The following ZAN variants were observed in gnomAD, a reference collection of about 807,000 sequenced individuals.
The protein encoded by ZAN is zonadhesin.
In ZAN, 260 loss-of-function variants were observed where a neutral mutation model predicts 286.2. The observed-to-expected ratio is 0.91, with a 90% CI of 0.82 to 1.01. ZAN has a LOEUF of 1.01. Ranked by LOEUF, ZAN falls within the 50% of genes least tolerant of loss-of-function variation. The pLI, the probability that ZAN is intolerant of heterozygous loss-of-function variation, is 0.00. For missense variants in ZAN, 3,410 were observed against 3,639.2 expected (o/e 0.94, Z 1.62); for synonymous variants, 1,368 against 1,417.5 (o/e 0.97, Z 0.79).
chr7:100,795,763 G>A (rs564928726), intron 45 of ZAN, among the ~76,000 whole-genome samples: 65 of 151,884 alleles, frequency 4.3e-4, no homozygotes, highest in African/African-American at 1.5e-3. Context: ...AAAGTTAGCC[G>A]GGTGTGGTGG....
At chr7:100,767,467 GTTT>G (rs35803818) in intron 25 of ZAN, among the ~76,000 whole-genome samples, 34 of 77,974 alleles carry the variant, frequency 4.4e-4, no homozygotes, top group Middle Eastern at 9.3e-3. Context: ...GTTTTTTGCC[GTTT>G]TTTTTTTTTT....
rs754496121 is a variant in ZAN, at chr7:100,767,157, A to C, written c.4760A>C (p.Asn1587Thr). 6.4e-5 allele frequency: 104 copies of C among 1,613,620 alleles called. No individual in the cohort carries two copies. The highest frequency in any genetic ancestry group is 1.7e-4 in the Admixed American group (10 of 59,954). ...QDSYFVVSAT[N>T]ENRGGILEVS... ...AGCTATTTTGTTGTGAGCGCCACCAACGAGAACCGCGGGGGGATCCTGGAG... is the reference window on the plus strand; with the variant it reads ...AGCTATTTTGTTGTGAGCGCCACCACCGAGAACCGCGGGGGGATCCTGGAG... The change falls in exon 25 of 48, where the codon AAC becomes ACC. Residue 1587 changes from asparagine to threonine, a missense_variant. Asn to Thr is a moderately conservative substitution (Grantham distance 65). Coordinates refer to ENST00000613979, the MANE Select transcript of ZAN (RefSeq NM_003386.3).
chr7:100,734,261 C>T, intron 2 of ZAN, 40 bp downstream of exon 2: 1 of 1,292,790 alleles, frequency 7.7e-7, no homozygotes, highest in East Asian at 2.7e-5. Context: ...CCAGGGTCAG[C>T]TGAGGGTGGC....
chr7:100,738,205 C>T (rs1807446878), intron 6 of ZAN, among the ~76,000 whole-genome samples: 1 of 140,118 alleles, frequency 7.1e-6, no homozygotes, highest in Non-Finnish European at 1.6e-5. Flanking sequence ...GATCCACTCA[C>T]CTCAGCCTCC....
chr7:100,780,919 C>G (rs1448830362), intron 35 of ZAN, among the ~76,000 whole-genome samples: 2 of 151,690 alleles, frequency 1.3e-5, no homozygotes, highest in African/African-American at 4.8e-5. Flanking sequence ...ATGAGACCCC[C>G]GCATCGCTAC....
Position 100,734,060 on chromosome 7 carries a change from G to T in ZAN, c.-109G>T. On this transcript the variant is annotated 5_prime_UTR_variant, in exon 2 of 48. Coordinates refer to ENST00000613979, the MANE Select transcript of ZAN (RefSeq NM_003386.3). ...TGTGTTTCTCTGTTCATTCTTCATG[G>T]CATCCTTGGAAGGATGCCAAGCTAA... 3.1e-6 allele frequency: 2 copies of T among 654,106 alleles called. No homozygotes were observed. Among genetic ancestry groups the T allele is most frequent in the Admixed American group, 2.7e-5 (1 of 36,378 alleles). The allele number at this position is 654,106 out of a possible 1,614,324, so 40.5% of individuals were successfully genotyped here. A position where few individuals can be genotyped will look rare whatever the true frequency, so the allele number is the denominator to read the frequency against.
chr7:100,775,558 A>G lies in ZAN; in HGVS notation c.6010A>G (p.Lys2004Glu). Residue 2004 changes from lysine to glutamate, a missense_variant, in exon 32 of 48, where the codon AAG (lysine) becomes GAG (glutamate). Around this residue, in one of 7 missense-constraint regions of ZAN, gnomAD observed 1,289 missense variants for 1,314.3 expected, o/e 0.98. Transcript: ENST00000613979. ...CTACGATGCCCAGGTCACCCTGCAG[A>G]AGGGCCACCGTGTGCTAGTGAGCTG... The part of the protein sequence containing the change: ...DIYDAQVTLQ[K>E]GHRVLINSKQ... 1 of 1,613,684 alleles carries G rather than the reference A, an allele frequency of 6.2e-7. No homozygotes were observed. The highest frequency in any genetic ancestry group is 8.5e-7 in the Non-Finnish European group (1 of 1,179,722).
At chr7:100,744,373 T>C (rs554795812) in intron 7 of ZAN, among the ~76,000 whole-genome samples, 1 of 149,480 alleles carries the variant, frequency 6.7e-6, no homozygotes, top group South Asian at 2.1e-4. Context: ...CGGAGGCAGG[T>C]GGATCACCAG....
chr7:100,737,432 C>A lies in ZAN; in HGVS notation c.613+83C>A. 1.9e-6 allele frequency: 2 copies of A among 1,033,984 alleles called. 1 individual carries two copies. Among genetic ancestry groups the A allele is most frequent in the Non-Finnish European group, 2.8e-6 (2 of 727,046 alleles). 64.1% of individuals were successfully genotyped at this position (1,033,984 alleles called of 1,614,324 possible). ...CAACAAGAAGAGGATCCAGGGCGGG[C>A]GCGGTGGCTCATGCCTGTAATCCCA... On this transcript the variant is annotated intron_variant, in intron 6 of 47. Transcript: ENST00000613979.
intron 35 of ZAN, among the ~76,000 whole-genome samples, chr7:100,780,373 T>C (rs1346860009): frequency 1.3e-5 from 2 of 151,954 alleles, no homozygotes; most frequent in African/African-American, 4.8e-5. Context: ...ACTTTTAAAG[T>C]ATTAAAAGAT....
At chr7:100,745,605 A>T (rs1422258659) in intron 7 of ZAN, among the ~76,000 whole-genome samples, 4 of 145,390 alleles carry the variant, frequency 2.8e-5, no homozygotes, top group Non-Finnish European at 6.2e-5. Context: ...GGAAGAGGCA[A>T]TCGGGTGTAG....
Position 100,750,690 on chromosome 7 carries a change from A to G in ZAN, c.1315A>G (p.Ser439Gly). The G allele has an allele frequency of 6.2e-7, 1 of 1,613,340 alleles. No individual in the cohort carries two copies. Among genetic ancestry groups the G allele is most frequent in the Non-Finnish European group, 8.5e-7 (1 of 1,179,678 alleles). Residue 439 changes from serine (S) to glycine (G), a missense_variant, in exon 12 of 48, where the codon AGC (serine) becomes GGC (glycine). Ser to Gly is a moderately conservative substitution (Grantham distance 56). Around this residue, in one of 7 missense-constraint regions of ZAN, gnomAD observed 872 missense variants for 938.9 expected, o/e 0.93. Coordinates refer to ENST00000613979, the MANE Select transcript of ZAN (RefSeq NM_003386.3). ...SQAGQSVRLV[S>G]RPFCAPGDIC... Reference sequence around the variant, plus strand: ...GGCAGGCCAGTCAGTCAGACTGGTGAGCCGGCCCTTCTGCGCCCCAGGTGA... The same window carrying G: ...GGCAGGCCAGTCAGTCAGACTGGTGGGCCGGCCCTTCTGCGCCCCAGGTGA...
chr7:100,770,992 CAACA>C (rs1810334217), intron 28 of ZAN, among the ~76,000 whole-genome samples: 1 of 152,148 alleles, frequency 6.6e-6, no homozygotes, highest in Non-Finnish European at 1.5e-5. Flanking sequence ...TTAGTAGAGA[CAACA>C]TTTCACCATG....
chr7:100,760,928 G>T (rs1023039960), intron 19 of ZAN, among the ~76,000 whole-genome samples: 1 of 151,994 alleles, frequency 6.6e-6, no homozygotes, highest in Admixed American at 6.6e-5. Context: ...AGGATCTCTC[G>T]CTCTGTTCCC....
Position 100,755,417 on chromosome 7 carries a change from C to T in ZAN, c.3309+7C>T. 1 of 1,611,234 alleles carries T rather than the reference C, an allele frequency of 6.2e-7. No homozygotes were observed. Among genetic ancestry groups the T allele is most frequent in the South Asian group, 1.1e-5 (1 of 90,786 alleles). On this transcript the variant is annotated splice_region_variant and intron_variant, in intron 15 of 47. Transcript: ENST00000613979. ...CAACAACGACTACTATGAGGTAAGC[C>T]CCCCGGGATGCTGGGGTCCCATGAG...
In ZAN at chr7:100,737,269, T is replaced by C; in HGVS notation, c.533T>C (p.Phe178Ser). ...AGFTLPTRLM[F>S]EGTRGSTAYL... ...CCCCTTATCCTCTTGCAGCTGATGT[T>C]TGAGGGAACACGGGGTAGCACTGCC... Residue 178 changes from phenylalanine to serine, a missense_variant, in exon 6 of 48, where the codon TTT becomes TCT. Coordinates refer to ENST00000613979, the MANE Select transcript of ZAN (RefSeq NM_003386.3). The C allele has an allele frequency of 8.1e-6, 12 of 1,485,106 alleles. 3 individuals carry two copies. The highest frequency in any genetic ancestry group is 1.1e-5 in the Non-Finnish European group (12 of 1,086,538). The allele number at this position is 1,485,106 out of a possible 1,614,324, so 92.0% of individuals were successfully genotyped here.
intron 42 of ZAN, among the ~76,000 whole-genome samples, 167 bp from the exon 43 acceptor site, chr7:100,793,653 G>A (rs1812143805): frequency 6.6e-6 from 1 of 152,136 alleles, no homozygotes; most frequent in Non-Finnish European, 1.5e-5. Context: ...GGCCAGGCTG[G>A]TCTTGAACTC....
chr7:100,766,098 C>T lies in ZAN; in HGVS notation c.4471-427C>T, dbSNP rs181321742. Among the ~76,000 whole-genome samples, 190 of 151,852 alleles carry T rather than the reference C, an allele frequency of 1.3e-3. 4 individuals are homozygous for T. Among genetic ancestry groups the T allele is most frequent in the Admixed American group, 0.011 (171 of 15,228 alleles). ...GCCTCCCAGGTTCAAGCGATTCTCCCGCCTAAGCCTCCCAAGTAGCTGGGA... is the reference window on the plus strand; with the variant it reads ...GCCTCCCAGGTTCAAGCGATTCTCCTGCCTAAGCCTCCCAAGTAGCTGGGA... On this transcript the variant is annotated intron_variant, in intron 23 of 47. Transcript: ENST00000613979.
intron 2 of ZAN, among the ~76,000 whole-genome samples, chr7:100,735,447 G>T (rs566199181): frequency 7.4e-6 from 1 of 135,838 alleles, no homozygotes; most frequent in African/African-American, 2.7e-5. Context: ...TGCTCCTGTA[G>T]TCCCAGCTAC....
Sources: allele counts gnomAD v4.1 joint callset (sites outside exome capture counted in the v4.1 genomes callset), GRCh38; gene constraint gnomAD v4.1.1; regional missense constraint gnomAD v4.1.1; transcripts MANE v1.5; gene names NCBI Gene and HGNC (gene_info 2026-07-23, HGNC 2026-07-21).